CEP135: variants seen among roughly 807,000 people sequenced by gnomAD.
CEP135 encodes the protein centrosomal protein 135, also known as centrosomal protein of 135 kDa.
A neutral mutation model predicts 157.3 loss-of-function variants in CEP135; 142 were observed. The ratio of observed to expected loss-of-function variants is 0.90; its 90% CI spans 0.79 to 1.04. The LOEUF is 1.04. Ranked by LOEUF, CEP135 falls within the 50% of genes least tolerant of loss-of-function variation. The probability of loss-of-function intolerance (pLI) is 0.00; values close to 1 mark genes in which losing one functional copy is unlikely to be tolerated. For synonymous variants in CEP135, 396 were observed against 439.8 expected, an observed-to-expected ratio of 0.90 and a Z score of 1.25; for missense variants, 1,317 against 1,309.2, an observed-to-expected ratio of 1.01 and a Z score of -0.09.
intron 18 of CEP135, among the ~76,000 whole-genome samples, 159 bp downstream of exon 18, chr4:56,008,541 T>A (rs1730442097): frequency 6.6e-6 from 1 of 152,214 alleles, no homozygotes; most frequent in Non-Finnish European, 1.5e-5. Flanking sequence ...CTTGAAAATG[T>A]TATCTTCTTT....
chr4:55,960,412 T>C (rs1319175633), intron 6 of CEP135: 1 of 152,264 alleles, frequency 6.6e-6, no homozygotes, highest in African/African-American at 2.4e-5. Context: ...TGTCTTTTCA[T>C]AATTTCTATT....
intron 24 of CEP135, among the ~76,000 whole-genome samples, chr4:56,023,856 A>G (rs1731060069): frequency 7.1e-6 from 1 of 139,956 alleles, no homozygotes; most frequent in African/African-American, 2.6e-5. Flanking sequence ...AATATATAGT[A>G]CTTATATATT....
chr4:55,959,134 G>A (rs1378686839), intron 5 of CEP135, among the ~76,000 whole-genome samples: 1 of 152,122 alleles, frequency 6.6e-6, no homozygotes, highest in Admixed American at 6.5e-5. Flanking sequence ...TTTCCAATAT[G>A]AAAATGGATT....
intron 8 of CEP135, among the ~76,000 whole-genome samples, 200 bp from the exon 9 acceptor site, chr4:55,968,863 C>T (rs1236915505): frequency 6.6e-6 from 1 of 152,110 alleles, no homozygotes; most frequent in Admixed American, 6.6e-5. Context: ...TACAAGTAGG[C>T]TCCTGTAAAC....
chr4:56,004,736 T>C (rs188036137), intron 17 of CEP135, among the ~76,000 whole-genome samples: 6 of 152,322 alleles, frequency 3.9e-5, no homozygotes, highest in Admixed American at 3.9e-4. Context: ...CCTTCTGTTT[T>C]TTGCTTGCAT....
In CEP135 at chr4:55,954,235, G is replaced by A. The variant is rs1439913260; in HGVS notation, c.324G>A (p.Lys108=). ...TTTAAGAGTTGAAAACTTCATTGAA[G>A]AAATGTGCACGTGAAACAGCTGATC... ...QHVKELKTSL[K]KCARETADLK... The change falls in exon 4 of 26, where the codon AAG becomes AAA. Residue 108 remains lysine, a synonymous_variant. Transcript: ENST00000257287. 6.3e-7 allele frequency: 1 copy of A among 1,591,832 alleles called. No homozygotes were observed. Among genetic ancestry groups the A allele is most frequent in the Non-Finnish European group, 8.5e-7 (1 of 1,171,918 alleles).
chr4:55,980,524 T>C (rs1729367688), intron 12 of CEP135, among the ~76,000 whole-genome samples: 1 of 152,222 alleles, frequency 6.6e-6, no homozygotes, highest in African/African-American at 2.4e-5. Context: ...GTCAGATCAG[T>C]TAGAGATAGT....
intron 14 of CEP135, among the ~76,000 whole-genome samples, chr4:55,988,001 G>A (rs1418076485): frequency 6.6e-6 from 1 of 152,032 alleles, no homozygotes; most frequent in African/African-American, 2.4e-5. Context: ...AAAAGAAAAT[G>A]CATACAATTT....
At chr4:56,014,969 G>A (rs1730720978) in intron 21 of CEP135, among the ~76,000 whole-genome samples, 1 of 152,030 alleles carries the variant, frequency 6.6e-6, no homozygotes, top group African/African-American at 2.4e-5. Context: ...CTGAGCCCAG[G>A]AGGTCAAGGC....
chr4:55,985,341 A>G lies in CEP135; in HGVS notation c.1840A>G (p.Thr614Ala). ...SELEKTIEHL[T>A]CVNHQLESEK... ...ATTAGAGAAAACTATTGAACATTTG[A>G]CATGTGTTAATCATCAGGTAATGTA... is the stretch of plus-strand genomic sequence containing the variant. The change falls in exon 14 of 26, where the codon ACA (threonine) becomes GCA (alanine). Residue 614 changes from threonine (T) to alanine (A), a missense_variant. By Grantham distance (58) the Thr-to-Ala change is moderately conservative. Transcript: ENST00000257287. The G allele has an allele frequency of 6.3e-7, 1 of 1,589,794 alleles. No individual in the cohort carries two copies. The highest frequency in any genetic ancestry group is 8.6e-7 in the Non-Finnish European group (1 of 1,159,856).
chr4:55,961,240 T>C (rs1429248869), intron 6 of CEP135, among the ~76,000 whole-genome samples: 1 of 152,210 alleles, frequency 6.6e-6, no homozygotes, highest in Admixed American at 6.5e-5. Context: ...TTTCATTTTT[T>C]TCAGGTACTT....
At chr4:55,960,834 G>A (rs1235834524) in intron 6 of CEP135, 1 of 148,066 alleles carries the variant, frequency 6.8e-6, no homozygotes, top group Non-Finnish European at 1.5e-5. Flanking sequence ...GCTGAGGCAG[G>A]AGAATGGCGT....
chr4:55,962,022 A>G (rs530676699), intron 6 of CEP135, among the ~76,000 whole-genome samples: 1 of 152,116 alleles, frequency 6.6e-6, no homozygotes, highest in South Asian at 2.1e-4. Flanking sequence ...CCACTTTACA[A>G]TGATTAATTA....
chr4:56,028,610 G>T (rs1171693594), intron 25 of CEP135, among the ~76,000 whole-genome samples: 27 of 138,882 alleles, frequency 1.9e-4, no homozygotes, highest in African/African-American at 6.9e-4. Flanking sequence ...ATTGCTCAAG[G>T]AAAAAAAAAA....
At chr4:55,994,665 C>T (rs1241704887) in intron 15 of CEP135, among the ~76,000 whole-genome samples, 11 of 151,174 alleles carry the variant, frequency 7.3e-5, no homozygotes. Flanking sequence ...AACAAACAGG[C>T]TTTTCTATAT....
chr4:55,994,352 G>A (rs1438266503), intron 15 of CEP135, among the ~76,000 whole-genome samples: 2 of 152,146 alleles, frequency 1.3e-5, no homozygotes, highest in African/African-American at 2.4e-5. Context: ...TTCAAGAGCA[G>A]CCTGGGCAAT....
intron 19 of CEP135, 86 bp from the exon 20 acceptor site, chr4:56,011,326 C>T: frequency 1.1e-6 from 1 of 903,082 alleles, no homozygotes; most frequent in Non-Finnish European, 1.7e-6. Context: ...TCTTATTCTC[C>T]AATTCCAAAG....
At chr4:55,988,774 G>A (rs1399317672) in intron 14 of CEP135, among the ~76,000 whole-genome samples, 7 of 150,304 alleles carry the variant, frequency 4.7e-5, no homozygotes, top group South Asian at 4.2e-4. Context: ...TGGCTAACAC[G>A]GTGAAACCCC....
At chr4:55,952,794 T>C (rs1409521175) in intron 2 of CEP135, among the ~76,000 whole-genome samples, 1 of 152,228 alleles carries the variant, frequency 6.6e-6, no homozygotes, top group African/African-American at 2.4e-5. Flanking sequence ...CTGTAGGTAA[T>C]TGTTAACACA....
Sources: allele counts gnomAD v4.1 joint callset (sites outside exome capture counted in the v4.1 genomes callset), GRCh38; gene constraint gnomAD v4.1.1; transcripts MANE v1.5; gene names NCBI Gene and HGNC (gene_info 2026-07-23, HGNC 2026-07-21).